Variants in TMTC2 observed in about 807,000 individuals in gnomAD.
TMTC2 encodes transmembrane O-mannosyltransferase targeting cadherins 2, also known as protein O-mannosyl-transferase TMTC2.
Under a neutral mutation model 82.4 loss-of-function variants are expected in TMTC2, and 43 were observed. That is an observed-to-expected ratio of 0.52 (90% CI 0.41 to 0.67). TMTC2 has a LOEUF of 0.67. Among genes scored for constraint, TMTC2 ranks in the 30% least tolerant of loss-of-function variants. TMTC2 has a pLI of 0.00. For missense variants in TMTC2, 919 were observed against 1,012.4 expected, an observed-to-expected ratio of 0.91 and a Z score of 1.25; for synonymous variants, 408 against 381.9, an observed-to-expected ratio of 1.07 and a Z score of -0.80.
At chr12:82,964,032 T>C (rs1878075363) in intron 4 of TMTC2, among the ~76,000 whole-genome samples, 1 of 151,560 alleles carries the variant, frequency 6.6e-6, no homozygotes, top group African/African-American at 2.4e-5. Context: ...TAAGTTTTTA[T>C]TAGTAGTCTT....
intron 1 of TMTC2, among the ~76,000 whole-genome samples, chr12:82,716,215 A>G (rs978974725): frequency 6.6e-6 from 1 of 152,212 alleles, no homozygotes; most frequent in East Asian, 1.9e-4. Flanking sequence ...TCTAAAGAGC[A>G]AGCTTTTTAT....
intron 1 of TMTC2, among the ~76,000 whole-genome samples, chr12:82,780,331 C>G (rs566168508): frequency 8.7e-4 from 132 of 152,160 alleles, no homozygotes; most frequent in African/African-American, 2.9e-3. Context: ...ATAGAAATAG[C>G]ATACTTTATT....
In TMTC2 at chr12:82,935,151, A is replaced by T. The variant is rs1389168150; in HGVS notation, c.1598+4606A>T. ...AAAAAAAATATCATTGGGTTTGCAT[A>T]CCTGTGCTAAGAGCTGCCTTCAAGA... On this transcript the variant is annotated intron_variant, in intron 4 of 11. Transcript: ENST00000321196. Among the ~76,000 whole-genome samples, 4 of 152,256 alleles carry T rather than the reference A, an allele frequency of 2.6e-5. No individual in the cohort carries two copies. In the East Asian group the frequency reaches 7.7e-4, roughly 29 times the overall value.
chr12:82,853,277 A>C (rs1004819342), intron 1 of TMTC2, among the ~76,000 whole-genome samples: 1 of 151,932 alleles, frequency 6.6e-6, no homozygotes, highest in East Asian at 1.9e-4. Flanking sequence ...TAATTTTTGT[A>C]TTTTTAGTAG....
chr12:83,093,210 A>G (rs1223964574), intron 11 of TMTC2, among the ~76,000 whole-genome samples: 2 of 152,216 alleles, frequency 1.3e-5, no homozygotes, highest in African/African-American at 4.8e-5. Flanking sequence ...ATGAAACACT[A>G]GAAAAGAAAA....
intron 1 of TMTC2, among the ~76,000 whole-genome samples, chr12:82,743,804 C>T (rs1190272247): frequency 6.6e-6 from 1 of 152,154 alleles, no homozygotes; most frequent in African/African-American, 2.4e-5. Flanking sequence ...CTTTTAGCTC[C>T]CTTAATACTA....
Position 83,039,185 on chromosome 12 carries a change from G to C in TMTC2, c.2152+8306G>C, listed in dbSNP as rs542148984. ...TGACCTCAGGTGATCCACCTGCCTT[G>C]GCCTCCCAAAGTGCTAGGATTACAG... On this transcript the variant is annotated intron_variant, in intron 9 of 11. Transcript: ENST00000321196. 9.2e-5 allele frequency among the ~76,000 whole-genome samples: 14 copies of C among 152,034 alleles called. No individual in the cohort carries two copies. The South Asian group carries it at 2.9e-3, about 32-fold the overall frequency.
chr12:82,923,118 G>A lies in TMTC2; in HGVS notation c.1484-7313G>A, dbSNP rs1252229126. Among the ~76,000 whole-genome samples the A allele has an allele frequency of 3.3e-5, 5 of 152,004 alleles. No homozygotes were observed. In the East Asian group the frequency reaches 9.6e-4, roughly 29 times the overall value. On this transcript the variant is annotated intron_variant, in intron 3 of 11. Coordinates refer to ENST00000321196, the MANE Select transcript of TMTC2 (RefSeq NM_152588.3). ...GCCCCGGGCCACACTGCCACCAGCT[G>A]TGCACAGGATTCTTCCCCAACATCC...
At chr12:83,120,926 T>C in intron 11 of TMTC2, among the ~76,000 whole-genome samples, 1 of 152,230 alleles carries the variant, frequency 6.6e-6, no homozygotes, top group East Asian at 1.9e-4. Flanking sequence ...ATTTCTTTCT[T>C]CTACTTGTTC....
At chr12:83,076,780 G>T (rs977605886) in intron 11 of TMTC2, among the ~76,000 whole-genome samples, 1 of 152,116 alleles carries the variant, frequency 6.6e-6, no homozygotes, top group Admixed American at 6.5e-5. Flanking sequence ...TCTCCCTCCT[G>T]CTTCTAATTC....
chr12:83,115,100 G>A (rs963091942), intron 11 of TMTC2, among the ~76,000 whole-genome samples: 10 of 152,028 alleles, frequency 6.6e-5, no homozygotes, highest in African/African-American at 1.4e-4. Context: ...TCCTTGGGAT[G>A]AGCAGTCATG....
chr12:82,786,120 G>A (rs560845157), intron 1 of TMTC2, among the ~76,000 whole-genome samples: 2 of 152,098 alleles, frequency 1.3e-5, no homozygotes, highest in South Asian at 2.1e-4. Flanking sequence ...ATCTCCCTGT[G>A]TTCTATTGCC....
chr12:82,693,783 C>T (rs55657485), intron 1 of TMTC2, among the ~76,000 whole-genome samples: 18,257 of 151,870 alleles, frequency 0.12, 1,201 homozygotes, highest in East Asian at 0.23. Context: ...GCCTGGCCAA[C>T]GTGGTGAAAC....
At chr12:82,741,794 A>G (rs1875422116) in intron 1 of TMTC2, among the ~76,000 whole-genome samples, 1 of 152,184 alleles carries the variant, frequency 6.6e-6, no homozygotes, top group Admixed American at 6.5e-5. Context: ...GATGTCATGT[A>G]TATGGGGGAG....
chr12:82,965,209 T>G, intron 5 of TMTC2, 100 bp downstream of exon 5: 1 of 851,036 alleles, frequency 1.2e-6, no homozygotes. Flanking sequence ...GTGCTCTTAT[T>G]TCTGAATACT....
At chr12:82,826,742 T>G (rs1565767858) in intron 1 of TMTC2, among the ~76,000 whole-genome samples, 1 of 152,196 alleles carries the variant, frequency 6.6e-6, no homozygotes, top group African/African-American at 2.4e-5. Flanking sequence ...AAATTCTGTG[T>G]GACATGAGTA....
intron 10 of TMTC2, among the ~76,000 whole-genome samples, chr12:83,051,408 C>T (rs1446568447): frequency 6.6e-6 from 1 of 152,002 alleles, no homozygotes. Flanking sequence ...GATTGGACTC[C>T]CCTGGTCTAT....
chr12:82,914,084 G>A (rs953491438), intron 3 of TMTC2, among the ~76,000 whole-genome samples: 1 of 152,096 alleles, frequency 6.6e-6, no homozygotes, highest in Non-Finnish European at 1.5e-5. Context: ...TCCTGTACCA[G>A]CAAAGAAGGC....
At chr12:82,960,784 TA>T (rs113890464) in intron 4 of TMTC2, among the ~76,000 whole-genome samples, 11,406 of 150,110 alleles carry the variant, frequency 0.076, 518 homozygotes, top group Middle Eastern at 0.11. Flanking sequence ...CCCTTGAATC[TA>T]AAAAAAATTT....
Sources: allele counts gnomAD v4.1 joint callset (sites outside exome capture counted in the v4.1 genomes callset), GRCh38; gene constraint gnomAD v4.1.1; transcripts MANE v1.5; gene names NCBI Gene and HGNC (gene_info 2026-07-23, HGNC 2026-07-21).